Variants in TGFBR2 observed in about 807,000 individuals in gnomAD.
TGFBR2 encodes the protein TGF-beta receptor type-2.
Under a neutral mutation model 49.0 loss-of-function variants are expected in TGFBR2, and 18 were observed. The ratio of observed to expected loss-of-function variants is 0.37; its 90% CI spans 0.25 to 0.54. The LOEUF is 0.54. TGFBR2 is among the 20% of genes least tolerant of loss of function. TGFBR2 has a pLI of 0.85. For missense variants in TGFBR2, 525 were observed against 722.6 expected (o/e 0.73, Z 3.13); for synonymous variants, 282 against 275.9 (o/e 1.02, Z -0.22).
intron 5 of TGFBR2, among the ~76,000 whole-genome samples, chr3:30,674,962 G>A (rs963511239): frequency 2.0e-5 from 3 of 152,080 alleles, no homozygotes; most frequent in African/African-American, 7.2e-5. Flanking sequence ...GCAGTTGTAT[G>A]CTGAGTCCTT....
At chr3:30,623,767 A>G (rs1205619963) in intron 1 of TGFBR2, among the ~76,000 whole-genome samples, 1 of 152,210 alleles carries the variant, frequency 6.6e-6, no homozygotes, top group Non-Finnish European at 1.5e-5. Flanking sequence ...GCACTTCTTC[A>G]TCATATAGAC....
intron 3 of TGFBR2, among the ~76,000 whole-genome samples, chr3:30,653,824 G>C (rs894285505): frequency 6.6e-6 from 1 of 152,078 alleles, no homozygotes; most frequent in Non-Finnish European, 1.5e-5. Flanking sequence ...ACATACTGTC[G>C]CTGTGCAGGG....
rs187049329 is a variant in TGFBR2 at position 30,672,389 on chromosome 3, G to T, written c.1206G>T (p.Leu402=). Residue 402 remains leucine (L), a synonymous_variant, in exon 4 of 7, where the codon CTG becomes CTT. Transcript: ENST00000295754. The surrounding 1 kb of genome is among the most constrained non-coding windows in gnomAD (Gnocchi z 4.5). The part of the protein sequence containing the change: ...TCCLCDFGLS[L]RLDPTLSVDD... ...GCCTGTGTGACTTTGGGCTTTCCCT[G>T]CGTCTGGACCCTACTCTGTCTGTGG... The T allele has an allele frequency of 2.5e-6, 4 of 1,614,214 alleles. No homozygotes were observed. In the African/African-American group the frequency reaches 4.0e-5, roughly 16 times the overall value.
chr3:30,626,948 A>T (rs1005967672), intron 1 of TGFBR2, among the ~76,000 whole-genome samples: 3 of 152,224 alleles, frequency 2.0e-5, no homozygotes, highest in Non-Finnish European at 4.4e-5. Context: ...GGGAGCCTTA[A>T]GTGCCAGTTT....
At chr3:30,670,452 G>T (rs188454346) in intron 3 of TGFBR2, among the ~76,000 whole-genome samples, 18 of 152,294 alleles carry the variant, frequency 1.2e-4, no homozygotes, top group Non-Finnish European at 2.2e-4. Flanking sequence ...TGAGCATGAG[G>T]CCTGCTCATT....
chr3:30,688,858 C>T (rs1037887253), intron 6 of TGFBR2, among the ~76,000 whole-genome samples: 3 of 152,140 alleles, frequency 2.0e-5, no homozygotes, highest in Non-Finnish European at 4.4e-5. Flanking sequence ...CTCTGGATTC[C>T]AAATGTTTTC....
At chr3:30,674,685 A>G (rs1309968165) in intron 5 of TGFBR2, among the ~76,000 whole-genome samples, 2 of 151,954 alleles carry the variant, frequency 1.3e-5, no homozygotes, top group African/African-American at 4.8e-5. Context: ...TATGGACATG[A>G]CATTGTTTTA....
intron 1 of TGFBR2, among the ~76,000 whole-genome samples, chr3:30,633,834 G>A (rs980441): frequency 0.62 from 94,530 of 152,068 alleles, 29,500 homozygotes; most frequent in East Asian, 0.7. Context: ...TGTGCTCTGT[G>A]TCCAGCTCTT....
intron 1 of TGFBR2, among the ~76,000 whole-genome samples, chr3:30,607,338 G>C: frequency 6.6e-6 from 1 of 152,320 alleles, no homozygotes; most frequent in South Asian, 2.1e-4. Flanking sequence ...GGCAGCCTGA[G>C]CTGCCAAAGC....
chr3:30,659,191 G>C (rs1699065952), intron 3 of TGFBR2, among the ~76,000 whole-genome samples: 1 of 152,160 alleles, frequency 6.6e-6, no homozygotes, highest in Non-Finnish European at 1.5e-5. Flanking sequence ...TGTTTCAAAA[G>C]AAACAAACCA....
chr3:30,677,582 G>C (rs958052019), intron 5 of TGFBR2, among the ~76,000 whole-genome samples: 6 of 152,154 alleles, frequency 3.9e-5, no homozygotes, highest in Admixed American at 2.0e-4. Flanking sequence ...AGCATTAGTG[G>C]TTTTTGTTTG....
chr3:30,659,899 T>C (rs948395534), intron 3 of TGFBR2, among the ~76,000 whole-genome samples: 1 of 151,854 alleles, frequency 6.6e-6, no homozygotes, highest in East Asian at 1.9e-4. Flanking sequence ...AAAAAAAGGC[T>C]CAGGGAGGTG....
At chr3:30,607,100 C>A in intron 1 of TGFBR2, 123 bp downstream of exon 1, 1 of 758,766 alleles carries the variant, frequency 1.3e-6, no homozygotes, top group Non-Finnish European at 2.2e-6. Context: ...AGGAAAGTTT[C>A]CCCCGCGACA....
Position 30,693,166 on chromosome 3 carries a change from T to C in TGFBR2, c.*1567T>C. 1 of 233,438 alleles carries C rather than the reference T, an allele frequency of 4.3e-6. No individual in the cohort carries two copies. Among genetic ancestry groups the C allele is most frequent in the Middle Eastern group, 1.3e-3 (1 of 786 alleles). 14.5% of individuals were successfully genotyped at this position (233,438 alleles called of 1,614,324 possible). On this transcript the variant is annotated 3_prime_UTR_variant, in exon 7 of 7. Coordinates refer to ENST00000295754, the MANE Select transcript of TGFBR2 (RefSeq NM_003242.6). Reference sequence around the variant, plus strand: ...TTAGCCCAAGTTTCTTTTGCTTATATGTTAATAGTTTTACCCTCTGCATTG... The same window carrying C: ...TTAGCCCAAGTTTCTTTTGCTTATACGTTAATAGTTTTACCCTCTGCATTG...
chr3:30,692,075 C>A lies in TGFBR2; in HGVS notation c.*476C>A, dbSNP rs1380445714. The A allele has an allele frequency of 4.4e-6, 1 of 226,106 alleles. No homozygotes were observed. The allele number at this position is 226,106 out of a possible 1,614,324, so 14.0% of individuals were successfully genotyped here. A position where few individuals can be genotyped will look rare whatever the true frequency, so the allele number is the denominator to read the frequency against. ...GACCCATGACAGCATTAGCATTTGA[C>A]AATCACACATGCAGTGGTTCTCTGA... On this transcript the variant is annotated 3_prime_UTR_variant, in exon 7 of 7. Coordinates refer to ENST00000295754, the MANE Select transcript of TGFBR2 (RefSeq NM_003242.6).
intron 3 of TGFBR2, among the ~76,000 whole-genome samples, chr3:30,658,317 C>T (rs543729479): frequency 1.1e-4 from 17 of 152,336 alleles, no homozygotes; most frequent in African/African-American, 4.1e-4. Context: ...AGTTTTTACC[C>T]TGTTTTCTCA....
At chr3:30,670,687 A>C in intron 3 of TGFBR2, among the ~76,000 whole-genome samples, 1 of 152,272 alleles carries the variant, frequency 6.6e-6, no homozygotes, top group East Asian at 1.9e-4. Flanking sequence ...ACAAGATATT[A>C]TAGTTAGATA....
chr3:30,641,934 C>G (rs1698653990), intron 1 of TGFBR2, among the ~76,000 whole-genome samples: 1 of 151,796 alleles, frequency 6.6e-6, no homozygotes, highest in Non-Finnish European at 1.5e-5. Context: ...TCCCTACATC[C>G]TTCTTCCCTT....
chr3:30,660,898 A>C (rs1036341654), intron 3 of TGFBR2, among the ~76,000 whole-genome samples: 1 of 152,206 alleles, frequency 6.6e-6, no homozygotes, highest in Non-Finnish European at 1.5e-5. Flanking sequence ...GGCTGTGTGC[A>C]TGATTTTAGG....
Sources: gnomAD v4.1 joint callset for allele counts (sites outside exome capture counted in the v4.1 genomes callset) on GRCh38, gnomAD v4.1.1 for gene constraint, Gnocchi (gnomAD v3.1) non-coding constraint, MANE v1.5 for transcripts, NCBI Gene and HGNC (gene_info 2026-07-23, HGNC 2026-07-21) for gene names.